The following PRKCE variants were observed in gnomAD, a reference collection of about 807,000 sequenced individuals.
PRKCE encodes the protein protein kinase C epsilon type.
Under a neutral mutation model 85.4 loss-of-function variants are expected in PRKCE, and 16 were observed. That is an observed-to-expected ratio of 0.19 (90% confidence interval 0.13 to 0.28). The LOEUF is 0.28. Among genes scored for constraint, PRKCE ranks in the 10% least tolerant of loss-of-function variants. PRKCE has a pLI of 1.00. For missense variants in PRKCE, 573 were observed against 975.2 expected, an observed-to-expected ratio of 0.59 and a Z score of 5.49; for synonymous variants, 388 against 371.5, an observed-to-expected ratio of 1.04 and a Z score of -0.51.
intron 13 of PRKCE, 39 bp downstream of exon 13, chr2:46,151,268 G>T: frequency 1.4e-6 from 2 of 1,456,606 alleles, no homozygotes; most frequent in South Asian, 1.2e-5. Context: ...TGCTCTCCTG[G>T]GCTCCTCCCC....
At chr2:45,767,649 G>C (rs537809371) in intron 1 of PRKCE, among the ~76,000 whole-genome samples, 1 of 152,274 alleles carries the variant, frequency 6.6e-6, no homozygotes, top group South Asian at 2.1e-4. Context: ...GTTTTATTAA[G>C]GATCAAAGGA....
At chr2:45,794,666 G>A (rs1687281553) in intron 1 of PRKCE, among the ~76,000 whole-genome samples, 1 of 152,168 alleles carries the variant, frequency 6.6e-6, no homozygotes, top group Non-Finnish European at 1.5e-5. Flanking sequence ...ACCACTCACT[G>A]CTTTTTCATT....
intron 2 of PRKCE, among the ~76,000 whole-genome samples, chr2:45,947,565 A>G (rs150453307): frequency 2.0e-5 from 3 of 152,350 alleles, no homozygotes; most frequent in Non-Finnish European, 4.4e-5. Flanking sequence ...ATAACCTAAT[A>G]ACAATACTAA....
chr2:46,125,866 G>C (rs1673797389), intron 11 of PRKCE, among the ~76,000 whole-genome samples: 1 of 152,196 alleles, frequency 6.6e-6, no homozygotes, highest in Non-Finnish European at 1.5e-5. Context: ...GCAGAATGGA[G>C]TGTGAATCAA....
At chr2:46,131,273 A>G (rs770081227) in intron 11 of PRKCE, among the ~76,000 whole-genome samples, 4 of 152,306 alleles carry the variant, frequency 2.6e-5, no homozygotes, top group East Asian at 1.9e-4. Flanking sequence ...AGGGAACTCT[A>G]GACTCTTCCT....
intron 2 of PRKCE, among the ~76,000 whole-genome samples, chr2:45,878,167 A>G (rs1263432696): frequency 6.6e-6 from 1 of 152,268 alleles, no homozygotes. Flanking sequence ...TGTGGCGAGC[A>G]GCAGAACCTA....
chr2:46,087,110 CT>C (rs1304936890), intron 11 of PRKCE, among the ~76,000 whole-genome samples: 2 of 152,066 alleles, frequency 1.3e-5, no homozygotes, highest in African/African-American at 4.8e-5. Flanking sequence ...AATTTCTTCA[CT>C]TGGTCTTTGC....
chr2:46,069,142 G>C (rs1478875818), intron 10 of PRKCE, among the ~76,000 whole-genome samples: 1 of 152,242 alleles, frequency 6.6e-6, no homozygotes, highest in Non-Finnish European at 1.5e-5. Flanking sequence ...ATGCTTTGAA[G>C]AGGAGAAGTG....
chr2:45,998,515 AT>A (rs1470980340), intron 6 of PRKCE, among the ~76,000 whole-genome samples: 3 of 152,188 alleles, frequency 2.0e-5, no homozygotes, highest in African/African-American at 7.2e-5. Context: ...ATCTTACTCT[AT>A]GTCTTTACTT....
chr2:46,112,316 T>C (rs1255923746), intron 11 of PRKCE, among the ~76,000 whole-genome samples: 1 of 152,212 alleles, frequency 6.6e-6, no homozygotes, highest in Non-Finnish European at 1.5e-5. Context: ...AGAAAACAGA[T>C]AGTGGAGTAT....
At chr2:46,175,775 G>A (rs747869915) in intron 14 of PRKCE, among the ~76,000 whole-genome samples, 1 of 151,980 alleles carries the variant, frequency 6.6e-6, no homozygotes, top group Admixed American at 6.6e-5. Context: ...TCATGAAGCT[G>A]AGAAGGAATG....
chr2:45,914,961 A>G (rs1573859450), intron 2 of PRKCE, among the ~76,000 whole-genome samples: 1 of 152,204 alleles, frequency 6.6e-6, no homozygotes, highest in Non-Finnish European at 1.5e-5. Context: ...TTTGTTTGAG[A>G]CAAGAGTCTC....
At chr2:45,909,464 C>A (rs1697222114) in intron 2 of PRKCE, among the ~76,000 whole-genome samples, 1 of 152,174 alleles carries the variant, frequency 6.6e-6, no homozygotes, top group Non-Finnish European at 1.5e-5. Flanking sequence ...TAAGGGGTGG[C>A]CAGCCTATAG....
chr2:45,914,110 T>A (rs1462306064), intron 2 of PRKCE, among the ~76,000 whole-genome samples: 18 of 152,240 alleles, frequency 1.2e-4, no homozygotes, highest in Admixed American at 1.2e-3. Context: ...CACATTCTAG[T>A]CTTCACATAA....
rs192073969 is a variant in PRKCE at position 45,951,636 on chromosome 2, G to A, written c.413-24793G>A. Reference sequence around the variant, plus strand: ...ATCTCACAAAATGAGGGCCCCAGCTGAGCCAATGCAACTCTGTGCTGGAGG... The same window carrying A: ...ATCTCACAAAATGAGGGCCCCAGCTAAGCCAATGCAACTCTGTGCTGGAGG... On this transcript the variant is annotated intron_variant, in intron 2 of 14. Coordinates refer to ENST00000306156, the MANE Select transcript of PRKCE (RefSeq NM_005400.3). Among the ~76,000 whole-genome samples the A allele has an allele frequency of 3.1e-3, 465 of 152,352 alleles. 5 individuals are homozygous for A. Among genetic ancestry groups the A allele is most frequent in the Non-Finnish European group, 1.9e-3 (128 of 68,030 alleles).
chr2:45,969,158 A>G lies in PRKCE; in HGVS notation c.413-7271A>G, dbSNP rs189485328. Among the ~76,000 whole-genome samples, 25 of 151,756 alleles carry G rather than the reference A, an allele frequency of 1.6e-4. 1 individual carries two copies. The East Asian group carries it at 4.6e-3, about 28-fold the overall frequency. On this transcript the variant is annotated intron_variant, in intron 2 of 14. Coordinates refer to ENST00000306156, the MANE Select transcript of PRKCE (RefSeq NM_005400.3). ...AGGTTGGGGTTACTGTGAATCTTGA[A>G]GCTGCTTCAGAGGACGTCTCTGCTT...
intron 2 of PRKCE, among the ~76,000 whole-genome samples, chr2:45,844,441 A>C (rs897444709): frequency 6.6e-6 from 1 of 152,244 alleles, no homozygotes; most frequent in Admixed American, 6.5e-5. Context: ...TTCACATGAA[A>C]TATTTAAGAC....
chr2:45,811,675 A>G (rs1392200504), intron 1 of PRKCE, among the ~76,000 whole-genome samples: 2 of 152,236 alleles, frequency 1.3e-5, no homozygotes, highest in African/African-American at 4.8e-5. Context: ...GGTAATGTTT[A>G]TAAATAGTTT....
intron 7 of PRKCE, among the ~76,000 whole-genome samples, chr2:46,002,814 T>A (rs1704813502): frequency 6.6e-6 from 1 of 152,256 alleles, no homozygotes; most frequent in Admixed American, 6.5e-5. Flanking sequence ...CATGACAACG[T>A]TATGCAAACA....
Sources: allele counts gnomAD v4.1 joint callset (sites outside exome capture counted in the v4.1 genomes callset), GRCh38; gene constraint gnomAD v4.1.1; transcripts MANE v1.5; gene names NCBI Gene and HGNC (gene_info 2026-07-23, HGNC 2026-07-21).